Variants in ALK observed in about 807,000 individuals in gnomAD.
ALK encodes ALK tyrosine kinase receptor.
A neutral mutation model predicts 163.1 loss-of-function variants in ALK; 74 were observed. That is an observed-to-expected ratio of 0.45 (90% CI 0.38 to 0.55). The LOEUF (loss-of-function observed/expected upper bound fraction) is 0.55, where lower values mean the gene tolerates loss of function less well. Among genes scored for constraint, ALK ranks in the 20% least tolerant of loss-of-function variants. The pLI is 0.00. For missense variants in ALK, 2,063 were observed against 2,105.3 expected (o/e 0.98, Z 0.39); for synonymous variants, 960 against 843.2 (o/e 1.14, Z -2.40).
At chr2:29,394,612 G>T (rs1257301768) in intron 4 of ALK, among the ~76,000 whole-genome samples, 2 of 152,196 alleles carry the variant, frequency 1.3e-5, no homozygotes, top group Non-Finnish European at 2.9e-5. Flanking sequence ...GGGGATTCCA[G>T]TGGGGGTTTT....
intron 13 of ALK, among the ~76,000 whole-genome samples, chr2:29,234,276 G>T (rs925109061): frequency 2.6e-5 from 4 of 152,160 alleles, no homozygotes; most frequent in African/African-American, 9.7e-5. Flanking sequence ...GAATTAAACG[G>T]AACAGTGTGA....
At chr2:29,824,970 G>T (rs1665157626) in intron 1 of ALK, among the ~76,000 whole-genome samples, 1 of 152,198 alleles carries the variant, frequency 6.6e-6, no homozygotes, top group African/African-American at 2.4e-5. Context: ...ATTGTGGGAA[G>T]GACCTGGTGG....
intron 11 of ALK, among the ~76,000 whole-genome samples, chr2:29,267,347 T>C (rs1665248462): frequency 6.6e-6 from 1 of 152,218 alleles, no homozygotes; most frequent in Non-Finnish European, 1.5e-5. Context: ...AGGACCCAGT[T>C]GAGCTGTGTC....
intron 1 of ALK, among the ~76,000 whole-genome samples, chr2:29,806,486 G>A (rs944338230): frequency 5.3e-5 from 8 of 152,136 alleles, no homozygotes; most frequent in African/African-American, 9.7e-5. Flanking sequence ...AGAAGGAGCC[G>A]CCAGCTGATG....
chr2:29,759,282 A>G (rs1411392964), intron 1 of ALK, among the ~76,000 whole-genome samples: 2 of 152,156 alleles, frequency 1.3e-5, no homozygotes, highest in African/African-American at 4.8e-5. Flanking sequence ...TAAGTGGGCA[A>G]GTTAGCTAAC....
At chr2:29,410,534 C>T (rs1669702083) in intron 4 of ALK, among the ~76,000 whole-genome samples, 1 of 152,142 alleles carries the variant, frequency 6.6e-6, no homozygotes, top group South Asian at 2.1e-4. Context: ...ACGGGCACGT[C>T]CTCAACCTTG....
chr2:29,668,028 T>C (rs1207306805), intron 3 of ALK, among the ~76,000 whole-genome samples: 1 of 152,126 alleles, frequency 6.6e-6, no homozygotes, highest in Non-Finnish European at 1.5e-5. Flanking sequence ...ATTGTATGTG[T>C]CCAAGAATGT....
chr2:29,287,014 G>A (rs1158411327), intron 9 of ALK, among the ~76,000 whole-genome samples: 5 of 151,712 alleles, frequency 3.3e-5, no homozygotes, highest in Non-Finnish European at 7.4e-5. Context: ...TGCAGTAGGT[G>A]TGGCCATGTG....
At chr2:29,893,317 T>C (rs1276423725) in intron 1 of ALK, among the ~76,000 whole-genome samples, 1 of 152,186 alleles carries the variant, frequency 6.6e-6, no homozygotes, top group Non-Finnish European at 1.5e-5. Flanking sequence ...TTCTGATGAG[T>C]GACCCTGCTC....
chr2:29,222,932 T>C (rs4666182), intron 20 of ALK, among the ~76,000 whole-genome samples: 142,766 of 152,168 alleles, frequency 0.94, 67,603 homozygotes, highest in Non-Finnish European at 1. Flanking sequence ...CCGGGGGAGG[T>C]TCATGCTCCT....
chr2:29,693,725 C>T (rs553378684), intron 3 of ALK, among the ~76,000 whole-genome samples: 26 of 152,156 alleles, frequency 1.7e-4, no homozygotes, highest in Non-Finnish European at 3.8e-4. Flanking sequence ...GAGATTCTCT[C>T]GAGAATCTGG....
Position 29,518,766 on chromosome 2 carries a change from G to A in ALK, c.1154+13149C>T, listed in dbSNP as rs141036489. 2.1e-3 allele frequency among the ~76,000 whole-genome samples: 325 copies of A among 152,280 alleles called. 2 individuals carry two copies. Among genetic ancestry groups the A allele is most frequent in the Non-Finnish European group, 4.1e-3 (277 of 68,022 alleles). ...GAGATATAAAAACTATCCTCAAAGG[G>A]AAGACAGACTGCCTTGTTAGGAGAA... On this transcript the variant is annotated intron_variant, in intron 4 of 28. Transcript: ENST00000389048.
chr2:29,227,083 A>C lies in ALK; in HGVS notation c.2915-9T>G, dbSNP rs373765395. The C allele has an allele frequency of 1.9e-6, 3 of 1,614,144 alleles. No homozygotes were observed. Among genetic ancestry groups the C allele is most frequent in the African/African-American group, 1.3e-5 (1 of 75,042 alleles). On this transcript the variant is annotated splice_polypyrimidine_tract_variant and intron_variant, in intron 17 of 28. Transcript: ENST00000389048. This position sits in a 1 kb window ranked among gnomAD's most constrained non-coding sequence, Gnocchi z 4.4. ...CCCGTGGCCTTCCATCACTAGTGACAAGGAGGGAGGGTCAGTCTTGGGCCG... is the reference window on the plus strand; with the variant it reads ...CCCGTGGCCTTCCATCACTAGTGACCAGGAGGGAGGGTCAGTCTTGGGCCG...
chr2:29,221,057 A>G (rs1390716256), intron 22 of ALK: 1 of 665,660 alleles, frequency 1.5e-6, no homozygotes, highest in Non-Finnish European at 2.8e-6. Context: ...TTCCATTTGC[A>G]GGAGAGTGGC....
At chr2:29,408,982 CT>C (rs1669661565) in intron 4 of ALK, among the ~76,000 whole-genome samples, 1 of 152,150 alleles carries the variant, frequency 6.6e-6, no homozygotes, top group South Asian at 2.1e-4. Flanking sequence ...ATTTCCGTGG[CT>C]TTCATATCTC....
intron 5 of ALK, among the ~76,000 whole-genome samples, chr2:29,361,768 A>T (rs1668393963): frequency 6.6e-6 from 1 of 152,110 alleles, no homozygotes. Flanking sequence ...TGGCCACGTG[A>T]TCCTTGTATA....
chr2:29,874,905 G>A (rs1290170710), intron 1 of ALK, among the ~76,000 whole-genome samples: 1 of 152,100 alleles, frequency 6.6e-6, no homozygotes, highest in Non-Finnish European at 1.5e-5. Context: ...CAGCTCTTCT[G>A]GCCTGACTGC....
At chr2:29,360,085 C>A (rs1331452158) in intron 5 of ALK, among the ~76,000 whole-genome samples, 1 of 152,190 alleles carries the variant, frequency 6.6e-6, no homozygotes, top group African/African-American at 2.4e-5. Context: ...AGGGATCTCT[C>A]TTCTTCTCAG....
chr2:29,738,037 A>G (rs1300437457), intron 1 of ALK, among the ~76,000 whole-genome samples: 2 of 152,046 alleles, frequency 1.3e-5, no homozygotes, highest in African/African-American at 4.8e-5. Context: ...AAGAGCAGTG[A>G]AAAAGGGTAG....
Sources: gnomAD v4.1 joint callset for allele counts (sites outside exome capture counted in the v4.1 genomes callset) on GRCh38, gnomAD v4.1.1 for gene constraint, Gnocchi (gnomAD v3.1) non-coding constraint, MANE v1.5 for transcripts, NCBI Gene and HGNC (gene_info 2026-07-23, HGNC 2026-07-21) for gene names.